The following VSIG10 variants were observed in gnomAD, a reference collection of about 807,000 sequenced individuals.
VSIG10 encodes V-set and immunoglobulin domain-containing protein 10.
Under a neutral mutation model 58.7 loss-of-function variants are expected in VSIG10, and 48 were observed. That is an observed-to-expected ratio of 0.82 (90% CI 0.65 to 1.04). The LOEUF (loss-of-function observed/expected upper bound fraction) is 1.04. VSIG10 is among the 50% of genes least tolerant of loss of function. The pLI, the probability that VSIG10 is intolerant of heterozygous loss-of-function variation, is 0.00. For synonymous variants in VSIG10, 260 were observed against 267.1 expected (o/e 0.97, Z 0.26); for missense variants, 628 against 670.0 (o/e 0.94, Z 0.69).
intron 6 of VSIG10, 71 bp downstream of exon 6, chr12:118,071,288 G>A (rs899427954): frequency 2.7e-5 from 40 of 1,457,820 alleles, no homozygotes; most frequent in Admixed American, 5.3e-5. Context: ...GCAAGGCAGG[G>A]GCCATCCTTC....
chr12:118,073,768 C>T lies in VSIG10; in HGVS notation c.1150G>A (p.Gly384Ser), dbSNP rs2032595245. ...CTGTCAGCTCGGCAGATGTAGTAGC[C>T]CTCATCCAGGTCCTGGGAGCAGTTG... is the stretch of plus-strand genomic sequence containing the variant. ...IHNCSQDLDE[G>S]YYICRADSPV... The change falls in exon 5 of 9, where the codon GGC becomes AGC. Residue 384 changes from glycine to serine, a missense_variant. Gly to Ser is a moderately conservative substitution (Grantham distance 56). Coordinates refer to ENST00000359236, the MANE Select transcript of VSIG10 (RefSeq NM_019086.6). The T allele has an allele frequency of 6.2e-7, 1 of 1,614,004 alleles. No individual in the cohort carries two copies. Among genetic ancestry groups the T allele is most frequent in the Non-Finnish European group, 8.5e-7 (1 of 1,179,902 alleles).
chr12:118,099,824 C>T (rs575204557), intron 1 of VSIG10, among the ~76,000 whole-genome samples: 1 of 152,234 alleles, frequency 6.6e-6, no homozygotes, highest in Non-Finnish European at 1.5e-5. Flanking sequence ...CTGTATTTGG[C>T]CTCTTGTCTG....
intron 2 of VSIG10, among the ~76,000 whole-genome samples, chr12:118,084,151 G>A (rs1339810256): frequency 6.6e-6 from 1 of 152,074 alleles, no homozygotes; most frequent in Non-Finnish European, 1.5e-5. Context: ...GAAAAGCTTT[G>A]CCAAATCCTG....
At chr12:118,077,085 T>C (rs919152524) in intron 4 of VSIG10, among the ~76,000 whole-genome samples, 4 of 152,178 alleles carry the variant, frequency 2.6e-5, no homozygotes, top group Non-Finnish European at 4.4e-5. Context: ...CCACAGGTAT[T>C]AGGGTTTGGA....
chr12:118,071,415 C>A lies in VSIG10; in HGVS notation c.1274G>T (p.Gly425Val), dbSNP rs779240469. The A allele has an allele frequency of 2.2e-5, 36 of 1,613,902 alleles. No individual in the cohort carries two copies. In the East Asian group the frequency reaches 8.0e-4, roughly 36 times the overall value. ...CAGAAGCCCTGAGATAATGGCCAGT[C>A]CCAGCAGAAGGAGGCTCACAATGGT... ...VGTIVSLLLL[G>V]LAIISGLLLH... Residue 425 changes from glycine to valine, a missense_variant, in exon 6 of 9, where the codon GGA becomes GTA. By Grantham distance (109) the Gly-to-Val change is moderately radical. Transcript: ENST00000359236.
At chr12:118,098,585 T>C (rs1335714800) in intron 1 of VSIG10, among the ~76,000 whole-genome samples, 4 of 152,110 alleles carry the variant, frequency 2.6e-5, no homozygotes, top group Non-Finnish European at 5.9e-5. Context: ...AACTGGCAAG[T>C]ACAATGCAGT....
At chr12:118,082,592 T>C (rs1304668912) in intron 2 of VSIG10, among the ~76,000 whole-genome samples, 163 bp from the exon 3 acceptor site, 4 of 152,168 alleles carry the variant, frequency 2.6e-5, no homozygotes, top group African/African-American at 9.7e-5. Context: ...GATACATTAT[T>C]TCATTTAATC....
intron 4 of VSIG10, among the ~76,000 whole-genome samples, chr12:118,075,158 A>G (rs552578575): frequency 1.4e-5 from 1 of 68,966 alleles, no homozygotes; most frequent in African/African-American, 7.5e-5. Flanking sequence ...ATATGTATAT[A>G]TATGTATATA....
At chr12:118,088,198 CATTG>C (rs2033189521) in intron 2 of VSIG10, among the ~76,000 whole-genome samples, 1 of 149,296 alleles carries the variant, frequency 6.7e-6, no homozygotes, top group Non-Finnish European at 1.5e-5. Flanking sequence ...TGAGCCGAGC[CATTG>C]CACTCCAGCC....
At chr12:118,082,659 T>C (rs572850749) in intron 2 of VSIG10, among the ~76,000 whole-genome samples, 2 of 152,100 alleles carry the variant, frequency 1.3e-5, no homozygotes, top group South Asian at 4.2e-4. Context: ...ACAGCAAAAG[T>C]ATACATTGCT....
chr12:118,091,258 C>T (rs1412852133), intron 2 of VSIG10, among the ~76,000 whole-genome samples: 2 of 152,138 alleles, frequency 1.3e-5, no homozygotes, highest in African/African-American at 2.4e-5. Flanking sequence ...TTTGGGAGGT[C>T]GAGGCAGGCG....
At chr12:118,076,902 T>TC (rs1265880449) in intron 4 of VSIG10, among the ~76,000 whole-genome samples, 1 of 151,946 alleles carries the variant, frequency 6.6e-6, no homozygotes, top group East Asian at 1.9e-4. Flanking sequence ...TAAGCTATCC[T>TC]CCTGCCTCTG....
rs1264589875 is a variant in VSIG10 at position 118,095,779 on chromosome 12, T to C, written c.115A>G (p.Asn39Asp). ...EAVVIGEVHENVTLHCGNISG... is the reference protein window; with the variant it reads ...EAVVIGEVHEDVTLHCGNISG... ...ATGTTGCCACAGTGCAGAGTAACAT[T>C]CTCATGAACTTCTCCAATGACAACA... The change falls in exon 2 of 9, where the codon AAT (asparagine) becomes GAT (aspartate). Residue 39 changes from asparagine to aspartate, a missense_variant. Asn to Asp is a conservative substitution (Grantham distance 23, BLOSUM62 1). Coordinates refer to ENST00000359236, the MANE Select transcript of VSIG10 (RefSeq NM_019086.6). The C allele has an allele frequency of 1.9e-6, 3 of 1,612,204 alleles. No individual in the cohort carries two copies. The highest frequency in any genetic ancestry group is 2.7e-5 in the African/African-American group (2 of 75,002).
intron 2 of VSIG10, among the ~76,000 whole-genome samples, chr12:118,083,395 T>C (rs2033026976): frequency 6.6e-6 from 1 of 151,864 alleles, no homozygotes; most frequent in Admixed American, 6.6e-5. Flanking sequence ...CTGGCTAACA[T>C]GACTAAATCA....
chr12:118,092,675 C>A (rs537240449), intron 2 of VSIG10, among the ~76,000 whole-genome samples: 1 of 145,262 alleles, frequency 6.9e-6, no homozygotes, highest in East Asian at 2.0e-4. Flanking sequence ...TGCTCTGTCA[C>A]CCAGGCTGGA....
At chr12:118,096,244 C>A (rs2033451509) in intron 1 of VSIG10, among the ~76,000 whole-genome samples, 1 of 151,300 alleles carries the variant, frequency 6.6e-6, no homozygotes, top group South Asian at 2.1e-4. Flanking sequence ...ACATCGAGAC[C>A]ATCCTGGCCA....
chr12:118,073,773 T>C lies in VSIG10; in HGVS notation c.1145A>G (p.Asp382Gly). ...LTIHNCSQDL[D>G]EGYYICRADS... The stretch of plus-strand genomic sequence containing the variant: ...AGCTCGGCAGATGTAGTAGCCCTCA[T>C]CCAGGTCCTGGGAGCAGTTGTGGAT... Residue 382 changes from aspartate (D) to glycine (G), a missense_variant, in exon 5 of 9, where the codon GAT becomes GGT. By Grantham distance (94) the Asp-to-Gly change is moderately conservative. Transcript: ENST00000359236. 13 of 1,614,010 alleles carry C rather than the reference T, an allele frequency of 8.1e-6. No homozygotes were observed. Among genetic ancestry groups the C allele is most frequent in the Non-Finnish European group, 1.1e-5 (13 of 1,179,892 alleles).
intron 4 of VSIG10, among the ~76,000 whole-genome samples, chr12:118,074,559 A>G (rs1227477547): frequency 6.6e-6 from 1 of 150,846 alleles, no homozygotes; most frequent in African/African-American, 2.4e-5. Flanking sequence ...GCTCACTGCA[A>G]TCTCCACCTC....
chr12:118,083,110 C>G (rs2033013361), intron 2 of VSIG10, among the ~76,000 whole-genome samples: 1 of 78,404 alleles, frequency 1.3e-5, no homozygotes, highest in Non-Finnish European at 2.2e-5. Flanking sequence ...AAGTCTCCGT[C>G]TCACAAAAAA....
Sources: gnomAD v4.1 joint callset for allele counts (sites outside exome capture counted in the v4.1 genomes callset) on GRCh38, gnomAD v4.1.1 for gene constraint, MANE v1.5 for transcripts, NCBI Gene and HGNC (gene_info 2026-07-23, HGNC 2026-07-21) for gene names.